LDLRAD3: variants seen among roughly 807,000 people sequenced by gnomAD.
LDLRAD3 encodes the protein low-density lipoprotein receptor class A domain-containing protein 3.
In LDLRAD3, 20 loss-of-function variants were observed where a neutral mutation model predicts 29.4. That is an observed-to-expected ratio of 0.68 (90% CI 0.48 to 0.99). The LOEUF is 0.99. Ranked by LOEUF, LDLRAD3 falls within the 50% of genes least tolerant of loss-of-function variation. LDLRAD3 has a pLI of 0.00. For synonymous variants in LDLRAD3, 157 were observed against 192.7 expected (o/e 0.81, Z 1.53); for missense variants, 420 against 454.3 (o/e 0.92, Z 0.69).
At chr11:36,100,414 G>T (rs1207542873) in intron 4 of LDLRAD3, among the ~76,000 whole-genome samples, 2 of 152,182 alleles carry the variant, frequency 1.3e-5, no homozygotes, top group Non-Finnish European at 2.9e-5. Context: ...AAGGATTGAG[G>T]AACATTTTCT....
intron 5 of LDLRAD3, 91 bp from the exon 6 acceptor site, chr11:36,229,069 A>G: frequency 2.4e-6 from 2 of 838,914 alleles, no homozygotes; most frequent in Non-Finnish European, 4.0e-6. Flanking sequence ...ACTGTCTCAG[A>G]AATGGGCTGA....
chr11:36,168,498 C>T (rs1008615449), intron 4 of LDLRAD3, among the ~76,000 whole-genome samples: 79 of 115,766 alleles, frequency 6.8e-4, no homozygotes, highest in East Asian at 9.2e-4. Context: ...TTTCTTTCTT[C>T]TTTTTTTTTT....
rs12292889 is a variant in LDLRAD3, at chr11:36,035,339, C to T, written c.47-764C>T. Among the ~76,000 whole-genome samples the T allele has an allele frequency of 4.8e-3, 738 of 152,206 alleles. 9 individuals carry two copies. Among genetic ancestry groups the T allele is most frequent in the African/African-American group, 0.017 (701 of 41,510 alleles). On this transcript the variant is annotated intron_variant, in intron 1 of 5. Coordinates refer to ENST00000315571, the MANE Select transcript of LDLRAD3 (RefSeq NM_174902.4). ...ACTGGTAGATGAACTCAGCACCCTG[C>T]CCACCTCCACCGCCACAGCACTGGT... is the stretch of plus-strand genomic sequence containing the variant.
rs1261450577 is a variant in LDLRAD3 at position 36,036,219 on chromosome 11, T to A, written c.163T>A (p.Cys55Ser). 1 of 1,613,876 alleles carries A rather than the reference T, an allele frequency of 6.2e-7. No individual in the cohort carries two copies. Among genetic ancestry groups the A allele is most frequent in the Non-Finnish European group, 8.5e-7 (1 of 1,179,960 alleles). ...GAWQCDGLPDCFDKSDEKECP... is the reference protein window; with the variant it reads ...GAWQCDGLPDSFDKSDEKECP... ...CTGGCAGTGTGACGGGCTGCCTGAC[T>A]GCTTCGACAAGAGTGATGAGAAGGA... The change falls in exon 2 of 6, where the codon TGC (cysteine) becomes AGC (serine). Residue 55 changes from cysteine to serine, a missense_variant. Cys to Ser is a moderately radical substitution (Grantham distance 112). Transcript: ENST00000315571.
chr11:36,191,576 C>CTCTCTCTCTCTCTCTCTATATA (rs377747518), intron 4 of LDLRAD3, among the ~76,000 whole-genome samples: 3 of 53,426 alleles, frequency 5.6e-5, no homozygotes, highest in African/African-American at 1.7e-4. Context: ...CTCTCTCTCT[C>CTCTCTCTCTCTCTCTCTATATA]TATATATATA....
At chr11:36,194,310 A>G (rs1855000252) in intron 4 of LDLRAD3, among the ~76,000 whole-genome samples, 1 of 152,152 alleles carries the variant, frequency 6.6e-6, no homozygotes. Context: ...GGCGTCTCTC[A>G]TCTTAGTTAC....
intron 4 of LDLRAD3, among the ~76,000 whole-genome samples, chr11:36,118,995 A>T (rs916537300): frequency 1.3e-5 from 2 of 152,192 alleles, no homozygotes; most frequent in Admixed American, 6.5e-5. Flanking sequence ...TTCAAGGTTC[A>T]TGTAACCATG....
intron 1 of LDLRAD3, among the ~76,000 whole-genome samples, chr11:36,032,137 C>T (rs1590216311): frequency 6.6e-6 from 1 of 152,214 alleles, no homozygotes; most frequent in African/African-American, 2.4e-5. Context: ...ACTTCATTAC[C>T]TCTTTAAAGA....
rs927944723 is a variant in LDLRAD3 at position 35,944,074 on chromosome 11, G to A, written c.-25G>A. 2.7e-3 allele frequency: 2,931 copies of A among 1,076,596 alleles called. 6 individuals carry two copies. Among genetic ancestry groups the A allele is most frequent in the Non-Finnish European group, 3.2e-3 (2,826 of 889,234 alleles). The allele number at this position is 1,076,596 out of a possible 1,614,324, so 66.7% of individuals were successfully genotyped here. On this transcript the variant is annotated 5_prime_UTR_variant, in exon 1 of 6. Coordinates refer to ENST00000315571, the MANE Select transcript of LDLRAD3 (RefSeq NM_174902.4). The surrounding 1 kb of genome is among the most constrained non-coding windows in gnomAD (Gnocchi z 4.9). ...AGGCCGCGGGGGCAGCAACGACGCC[G>A]GGCAGCGGGAGCGGCGGCCGCGCCA...
At chr11:36,010,401 A>G (rs577068044) in intron 1 of LDLRAD3, among the ~76,000 whole-genome samples, 22 of 152,230 alleles carry the variant, frequency 1.4e-4, no homozygotes, top group Non-Finnish European at 3.1e-4. Context: ...ATTAGTGAAG[A>G]TAGACCCAAC....
chr11:36,072,873 C>A (rs912362662), intron 2 of LDLRAD3, among the ~76,000 whole-genome samples: 12 of 152,288 alleles, frequency 7.9e-5, no homozygotes, highest in African/African-American at 2.6e-4. Flanking sequence ...CACGTGGACC[C>A]CAAATATGGG....
chr11:36,175,847 G>T (rs1854668267), intron 4 of LDLRAD3, among the ~76,000 whole-genome samples: 1 of 152,156 alleles, frequency 6.6e-6, no homozygotes, highest in African/African-American at 2.4e-5. Flanking sequence ...TATAGTTTAA[G>T]TCCATTGTTA....
intron 4 of LDLRAD3, among the ~76,000 whole-genome samples, chr11:36,111,784 G>A (rs1327507590): frequency 6.6e-6 from 1 of 152,150 alleles, no homozygotes; most frequent in Non-Finnish European, 1.5e-5. Context: ...GTTTTTAGTA[G>A]AGATGGGGTT....
chr11:36,171,935 C>T (rs546149271), intron 4 of LDLRAD3, among the ~76,000 whole-genome samples: 8 of 152,150 alleles, frequency 5.3e-5, no homozygotes, highest in Non-Finnish European at 8.8e-5. Context: ...TCACAATATT[C>T]TACCCATCCA....
Position 36,170,272 on chromosome 11 carries a change from A to G in LDLRAD3, c.455-56813A>G, listed in dbSNP as rs1045560942. Among the ~76,000 whole-genome samples the G allele has an allele frequency of 8.8e-5, 13 of 147,984 alleles. No individual in the cohort carries two copies. The East Asian group carries it at 2.1e-3, about 24-fold the overall frequency. On this transcript the variant is annotated intron_variant, in intron 4 of 5. Coordinates refer to ENST00000315571, the MANE Select transcript of LDLRAD3 (RefSeq NM_174902.4). ...TATATATATATACACATATATATAC[A>G]CATATATGTACATATATACACACAT...
At chr11:36,165,943 T>TCCCCCCC (rs1396418772) in intron 4 of LDLRAD3, among the ~76,000 whole-genome samples, 1 of 138,070 alleles carries the variant, frequency 7.2e-6, no homozygotes, top group Admixed American at 7.3e-5. Context: ...ACTGGCTTGC[T>TCCCCCCC]TCCTCCCTCC....
chr11:36,026,595 A>T (rs1007236786), intron 1 of LDLRAD3, among the ~76,000 whole-genome samples: 4 of 152,208 alleles, frequency 2.6e-5, no homozygotes, highest in African/African-American at 9.6e-5. Flanking sequence ...GGTCATAAAG[A>T]CCTGCTGATA....
At chr11:35,947,942 C>T (rs1851079511) in intron 1 of LDLRAD3, among the ~76,000 whole-genome samples, 1 of 152,186 alleles carries the variant, frequency 6.6e-6, no homozygotes, top group African/African-American at 2.4e-5. Context: ...CATCAGCTTT[C>T]TTTGCAGGAT....
intron 2 of LDLRAD3, among the ~76,000 whole-genome samples, chr11:36,057,192 CTA>C (rs1218555442): frequency 2.6e-5 from 4 of 152,176 alleles, no homozygotes; most frequent in Non-Finnish European, 5.9e-5. Context: ...AGGAACCACA[CTA>C]TGAGAAACGC....
Sources: allele counts gnomAD v4.1 joint callset (sites outside exome capture counted in the v4.1 genomes callset), GRCh38; gene constraint gnomAD v4.1.1; non-coding constraint Gnocchi (gnomAD v3.1); transcripts MANE v1.5; gene names NCBI Gene and HGNC (gene_info 2026-07-23, HGNC 2026-07-21).